Variants in TRAM2 observed in about 807,000 individuals in gnomAD.
The protein encoded by TRAM2 is translocation associated membrane protein 2, also known as translocating chain-associated membrane protein 2.
Under a neutral mutation model 51.0 loss-of-function variants are expected in TRAM2, and 12 were observed. The observed-to-expected ratio is 0.24, with a 90% confidence interval of 0.15 to 0.38. TRAM2 has a LOEUF of 0.38. Among genes scored for constraint, TRAM2 ranks in the 10% least tolerant of loss-of-function variants. The probability of loss-of-function intolerance (pLI) is 1.00; values close to 1 mark genes in which losing one functional copy is unlikely to be tolerated. For missense variants in TRAM2, 361 were observed against 462.0 expected (o/e 0.78, Z 2.00); for synonymous variants, 175 against 179.4 (o/e 0.98, Z 0.20).
chr6:52,547,199 A>G (rs996717123), intron 1 of TRAM2, among the ~76,000 whole-genome samples: 3 of 152,188 alleles, frequency 2.0e-5, no homozygotes, highest in Non-Finnish European at 2.9e-5. Flanking sequence ...TGTGGTGACA[A>G]GAAGGACCAT....
At chr6:52,519,031 A>G (rs1766612283) in intron 2 of TRAM2, among the ~76,000 whole-genome samples, 1 of 152,238 alleles carries the variant, frequency 6.6e-6, no homozygotes, top group East Asian at 1.9e-4. Context: ...AAATATGACT[A>G]TAATCTGAAA....
At chr6:52,550,129 TGA>T (rs1767282069) in intron 1 of TRAM2, among the ~76,000 whole-genome samples, 2 of 152,158 alleles carry the variant, frequency 1.3e-5, no homozygotes, top group South Asian at 4.1e-4. Context: ...CTGCAGAACA[TGA>T]GAGAGCATGA....
intron 1 of TRAM2, among the ~76,000 whole-genome samples, chr6:52,551,082 T>C (rs1227607625): frequency 6.6e-6 from 1 of 152,178 alleles, no homozygotes; most frequent in Non-Finnish European, 1.5e-5. Context: ...GATAAACCAC[T>C]GTGGTGGACG....
chr6:52,576,351 C>A (rs1465886474), intron 1 of TRAM2, among the ~76,000 whole-genome samples: 1 of 152,224 alleles, frequency 6.6e-6, no homozygotes, highest in Middle Eastern at 3.2e-3. Flanking sequence ...TTCTGGGTCT[C>A]TCCCACTGGA....
chr6:52,520,518 G>T (rs572902081), intron 2 of TRAM2, among the ~76,000 whole-genome samples: 1 of 152,214 alleles, frequency 6.6e-6, no homozygotes, highest in East Asian at 1.9e-4. Flanking sequence ...CTGGCTACGC[G>T]GATGGATTCT....
chr6:52,546,324 A>C (rs910244), intron 1 of TRAM2, among the ~76,000 whole-genome samples: 86,655 of 152,106 alleles, frequency 0.57, 26,201 homozygotes, highest in Non-Finnish European at 0.68. Flanking sequence ...ATATAAAAAT[A>C]GAACTTCATC....
intron 1 of TRAM2, among the ~76,000 whole-genome samples, chr6:52,568,799 C>A (rs1051791680): frequency 1.3e-5 from 2 of 152,154 alleles, no homozygotes; most frequent in African/African-American, 4.8e-5. Context: ...AGAATATCTA[C>A]ACTTATATAA....
intron 2 of TRAM2, among the ~76,000 whole-genome samples, chr6:52,533,528 G>T (rs1272910488): frequency 6.6e-6 from 1 of 152,212 alleles, no homozygotes; most frequent in Non-Finnish European, 1.5e-5. Context: ...CTCTTTAGTA[G>T]CATAGAGCTT....
rs537990872 is a variant in TRAM2 at position 52,554,438 on chromosome 6, T to C, written c.121-18592A>G. On this transcript the variant is annotated intron_variant, in intron 1 of 10. Coordinates refer to ENST00000182527, the MANE Select transcript of TRAM2 (RefSeq NM_012288.4). ...GGGTGGCTGAGGCAAGAGAATCGCT[T>C]GAATCCAGGAGGCAGAGGTTGCAGT... Among the ~76,000 whole-genome samples, 6 of 149,428 alleles carry C rather than the reference T, an allele frequency of 4.0e-5. No individual in the cohort carries two copies. The South Asian group carries it at 1.3e-3, about 31-fold the overall frequency.
chr6:52,531,309 T>C (rs1045717022), intron 2 of TRAM2, among the ~76,000 whole-genome samples: 12 of 152,170 alleles, frequency 7.9e-5, no homozygotes, highest in Non-Finnish European at 1.5e-4. Flanking sequence ...ATTAAGAAGC[T>C]CAAAACAAAA....
At chr6:52,542,638 T>C (rs139296708) in intron 1 of TRAM2, among the ~76,000 whole-genome samples, 58 of 152,330 alleles carry the variant, frequency 3.8e-4, no homozygotes, top group Non-Finnish European at 7.2e-4. Context: ...ACACAACAGA[T>C]TCTCTACAAG....
intron 1 of TRAM2, among the ~76,000 whole-genome samples, chr6:52,560,086 C>CA (rs1391960556): frequency 1.3e-5 from 2 of 151,706 alleles, no homozygotes; most frequent in African/African-American, 2.4e-5. Context: ...ATTAAAAATA[C>CA]AAAAAAATTA....
At chr6:52,567,596 C>T (rs1309248445) in intron 1 of TRAM2, among the ~76,000 whole-genome samples, 4 of 152,350 alleles carry the variant, frequency 2.6e-5, no homozygotes, top group Non-Finnish European at 4.4e-5. Context: ...TTTACTTCAG[C>T]GCTATAAAAC....
chr6:52,566,703 T>C (rs774434604), intron 1 of TRAM2, among the ~76,000 whole-genome samples: 15 of 152,150 alleles, frequency 9.9e-5, no homozygotes, highest in Non-Finnish European at 1.5e-4. Context: ...GAGTGTCCAA[T>C]GCTTCACACC....
In TRAM2 at chr6:52,576,954, G is replaced by C; in HGVS notation, c.-39C>G. ...CAGCGGCCGGCGGGGCCCGCACCCT[G>C]CGCTCACGAACCGCAGCGCAAACTT... On this transcript the variant is annotated 5_prime_UTR_variant, in exon 1 of 11. Coordinates refer to ENST00000182527, the MANE Select transcript of TRAM2 (RefSeq NM_012288.4). 6.4e-7 allele frequency: 1 copy of C among 1,572,692 alleles called. No individual in the cohort carries two copies.
chr6:52,507,034 TAA>T (rs748204393), intron 7 of TRAM2, among the ~76,000 whole-genome samples: 2 of 152,206 alleles, frequency 1.3e-5, no homozygotes, highest in Non-Finnish European at 2.9e-5. Context: ...ATTCTTTTCA[TAA>T]AAGAGGCTCT....
In TRAM2 at chr6:52,500,977, T is replaced by C. The variant is rs867753781; in HGVS notation, c.*2220A>G. 1.3e-5 allele frequency: 2 copies of C among 152,046 alleles called. No homozygotes were observed. Among genetic ancestry groups the C allele is most frequent in the Admixed American group, 6.6e-5 (1 of 15,252 alleles). 9.4% of individuals were successfully genotyped at this position (152,046 alleles called of 1,614,324 possible). On this transcript the variant is annotated 3_prime_UTR_variant, in exon 11 of 11. Coordinates refer to ENST00000182527, the MANE Select transcript of TRAM2 (RefSeq NM_012288.4). Reference sequence around the variant, plus strand: ...GGTGTTCTCTAATGGGGGAGGAAGGTGGGCTTAGGAGGCTGCTGGCTGAAC... The same window carrying C: ...GGTGTTCTCTAATGGGGGAGGAAGGCGGGCTTAGGAGGCTGCTGGCTGAAC...
chr6:52,562,466 G>T (rs62405877), intron 1 of TRAM2, among the ~76,000 whole-genome samples: 1 of 152,252 alleles, frequency 6.6e-6, no homozygotes, highest in African/African-American at 2.4e-5. Context: ...CAATAGGAGA[G>T]AGCCCCATGA....
chr6:52,527,615 C>T (rs9370132), intron 2 of TRAM2, among the ~76,000 whole-genome samples: 30,340 of 152,002 alleles, frequency 0.2, 3,208 homozygotes, highest in Non-Finnish European at 0.25. Flanking sequence ...TGCTGGCCAC[C>T]GTTCCCGCTG....
Sources: gnomAD v4.1 joint callset for allele counts (sites outside exome capture counted in the v4.1 genomes callset) on GRCh38, gnomAD v4.1.1 for gene constraint, MANE v1.5 for transcripts, NCBI Gene and HGNC (gene_info 2026-07-23, HGNC 2026-07-21) for gene names.